Variants in SLC9A9 observed in about 807,000 individuals in gnomAD.
The protein encoded by SLC9A9 is sodium/hydrogen exchanger 9.
SLC9A9 carries 62 observed loss-of-function variants against 77.8 expected under a neutral mutation model. The observed-to-expected ratio is 0.80, with a 90% confidence interval of 0.65 to 0.98. SLC9A9 has a LOEUF of 0.98. Among genes scored for constraint, SLC9A9 ranks in the 50% least tolerant of loss-of-function variants. The pLI is 0.00. For synonymous variants in SLC9A9, 320 were observed against 283.5 expected (o/e 1.13, Z -1.29); for missense variants, 775 against 774.9 (o/e 1.00, Z 0.00).
intron 6 of SLC9A9, among the ~76,000 whole-genome samples, chr3:143,641,103 G>C (rs2038613651): frequency 6.6e-6 from 1 of 152,140 alleles, no homozygotes; most frequent in African/African-American, 2.4e-5. Context: ...TGTCAGAACA[G>C]AGTAAGAGAA....
chr3:143,300,142 GTCCTGGAAGCATTAGTGTAAGTCC>G (rs1442277811), intron 14 of SLC9A9, among the ~76,000 whole-genome samples: 1 of 152,174 alleles, frequency 6.6e-6, no homozygotes, highest in Non-Finnish European at 1.5e-5. Context: ...GTGCTTTTAA[GTCCTGGAAGCATTAGTGTAAGTCC>G]TCACTTTGCC....
intron 12 of SLC9A9, among the ~76,000 whole-genome samples, chr3:143,412,119 C>T (rs1400474821): frequency 2.0e-5 from 3 of 152,120 alleles, no homozygotes; most frequent in African/African-American, 7.2e-5. Context: ...GACAGATGAG[C>T]TCCTTCAGGG....
intron 4 of SLC9A9, among the ~76,000 whole-genome samples, chr3:143,754,225 A>C (rs984309888): frequency 2.3e-4 from 35 of 152,220 alleles, no homozygotes; most frequent in African/African-American, 7.2e-4. Flanking sequence ...GGCAATGATA[A>C]AATAAGGAAA....
intron 9 of SLC9A9, among the ~76,000 whole-genome samples, chr3:143,498,748 A>G (rs901882679): frequency 6.6e-6 from 1 of 152,164 alleles, no homozygotes; most frequent in African/African-American, 2.4e-5. Flanking sequence ...TGATTTAACT[A>G]CTATTAGCAC....
At chr3:143,773,249 G>A (rs1334344045) in intron 4 of SLC9A9, among the ~76,000 whole-genome samples, 4 of 152,050 alleles carry the variant, frequency 2.6e-5, no homozygotes, top group Non-Finnish European at 1.5e-5. Flanking sequence ...TCACACAATG[G>A]CCAATTTCAA....
At chr3:143,488,592 A>G (rs551530335) in intron 11 of SLC9A9, among the ~76,000 whole-genome samples, 2 of 152,156 alleles carry the variant, frequency 1.3e-5, no homozygotes, top group East Asian at 1.9e-4. Context: ...GTTGTGTACA[A>G]CACGCAAAAA....
chr3:143,504,855 T>C (rs1332050547), intron 9 of SLC9A9, among the ~76,000 whole-genome samples: 2 of 151,734 alleles, frequency 1.3e-5, no homozygotes, highest in Admixed American at 6.6e-5. Flanking sequence ...AGGGAAGAGG[T>C]CAGTTGTCCT....
intron 12 of SLC9A9, among the ~76,000 whole-genome samples, chr3:143,443,037 C>A (rs1459057271): frequency 6.6e-6 from 1 of 152,098 alleles, no homozygotes; most frequent in South Asian, 2.1e-4. Flanking sequence ...TGACTAAGGA[C>A]TCCATTTACA....
At chr3:143,268,461 C>T (rs1006254507) in intron 15 of SLC9A9, among the ~76,000 whole-genome samples, 9 of 152,102 alleles carry the variant, frequency 5.9e-5, no homozygotes, top group East Asian at 1.9e-4. Context: ...AGGCCGGGCA[C>T]GGTGGCTCAT....
chr3:143,760,564 C>T (rs2007084871), intron 4 of SLC9A9, among the ~76,000 whole-genome samples: 1 of 152,014 alleles, frequency 6.6e-6, no homozygotes, highest in South Asian at 2.1e-4. Flanking sequence ...GACAGAGAGC[C>T]AAATCATGAG....
intron 4 of SLC9A9, among the ~76,000 whole-genome samples, chr3:143,769,073 C>A (rs1576713709): frequency 6.6e-6 from 1 of 152,002 alleles, no homozygotes. Flanking sequence ...GAAGAAACAA[C>A]ATGATAGCAT....
At chr3:143,407,517 G>A (rs750963009) in intron 12 of SLC9A9, among the ~76,000 whole-genome samples, 5 of 152,038 alleles carry the variant, frequency 3.3e-5, no homozygotes, top group East Asian at 1.9e-4. Context: ...AATATCCCAC[G>A]TTTTTAAAAG....
At chr3:143,767,317 C>G (rs2007352786) in intron 4 of SLC9A9, among the ~76,000 whole-genome samples, 1 of 151,866 alleles carries the variant, frequency 6.6e-6, no homozygotes, top group Admixed American at 6.6e-5. Flanking sequence ...ATCATATACA[C>G]AGATGAGATG....
intron 14 of SLC9A9, among the ~76,000 whole-genome samples, chr3:143,275,352 C>T (rs7639109): frequency 0.18 from 26,982 of 152,014 alleles, 5,259 homozygotes; most frequent in African/African-American, 0.48. Context: ...TATCTAATGT[C>T]GGTTGTTCTA....
chr3:143,578,743 G>A lies in SLC9A9; in HGVS notation c.756-20C>T. On this transcript the variant is annotated intron_variant, in intron 6 of 15. Transcript: ENST00000316549. ...ATAGAACTGAAAAGAGAAGAGGGTGGAGGTTAGTTAGTGACTTTCATCTCA... is the reference window on the plus strand; with the variant it reads ...ATAGAACTGAAAAGAGAAGAGGGTGAAGGTTAGTTAGTGACTTTCATCTCA... 3 of 1,613,810 alleles carry A rather than the reference G, an allele frequency of 1.9e-6. No homozygotes were observed. Among genetic ancestry groups the A allele is most frequent in the Non-Finnish European group, 2.5e-6 (3 of 1,179,796 alleles).
At chr3:143,684,006 CATATT>C (rs1933185085) in intron 5 of SLC9A9, among the ~76,000 whole-genome samples, 1 of 151,978 alleles carries the variant, frequency 6.6e-6, no homozygotes, top group Non-Finnish European at 1.5e-5. Context: ...AAAAATAAGA[CATATT>C]ATCTTATTTA....
chr3:143,374,379 C>A (rs551290165), intron 13 of SLC9A9, among the ~76,000 whole-genome samples: 1 of 134,966 alleles, frequency 7.4e-6, no homozygotes, highest in Non-Finnish European at 1.5e-5. Context: ...GAGCCAAGAT[C>A]GCACCACTGT....
intron 9 of SLC9A9, among the ~76,000 whole-genome samples, chr3:143,531,035 T>G (rs1217091966): frequency 1.3e-5 from 2 of 152,244 alleles, no homozygotes. Context: ...ATGCATATAG[T>G]GCTCATTATG....
At chr3:143,310,248 C>T (rs7431684) in intron 14 of SLC9A9, among the ~76,000 whole-genome samples, 3 of 152,020 alleles carry the variant, frequency 2.0e-5, no homozygotes, top group Non-Finnish European at 4.4e-5. Context: ...CAAGCAGCTA[C>T]AAAGGAAGAC....
Sources: gnomAD v4.1 joint callset for allele counts (sites outside exome capture counted in the v4.1 genomes callset) on GRCh38, gnomAD v4.1.1 for gene constraint, MANE v1.5 for transcripts, NCBI Gene and HGNC (gene_info 2026-07-23, HGNC 2026-07-21) for gene names.